The following UTP18 variants were observed in gnomAD, a reference collection of about 807,000 sequenced individuals.
The protein encoded by UTP18 is UTP18 small subunit processome component, also known as U3 small nucleolar RNA-associated protein 18 homolog.
A neutral mutation model predicts 61.1 loss-of-function variants in UTP18; 36 were observed. That is an observed-to-expected ratio of 0.59 (90% CI 0.45 to 0.78). The LOEUF is 0.78. Ranked by LOEUF, UTP18 falls within the 30% of genes least tolerant of loss-of-function variation. UTP18 has a pLI of 0.00. For synonymous variants in UTP18, 282 were observed against 251.1 expected, an observed-to-expected ratio of 1.12 and a Z score of -1.16; for missense variants, 753 against 693.9, an observed-to-expected ratio of 1.09 and a Z score of -0.96.
chr17:51,280,291 G>C, intron 8 of UTP18, 98 bp from the exon 9 acceptor site: 1 of 1,397,170 alleles, frequency 7.2e-7, no homozygotes, highest in South Asian at 1.3e-5. Flanking sequence ...AAGTTGAGTA[G>C]GTGCTAGAAA....
chr17:51,264,443 G>A (rs931097463), intron 2 of UTP18, among the ~76,000 whole-genome samples: 11 of 152,198 alleles, frequency 7.2e-5, no homozygotes, highest in African/African-American at 2.6e-4. Context: ...CCTTAAGAAA[G>A]ATTCTTTGAG....
intron 10 of UTP18, among the ~76,000 whole-genome samples, chr17:51,287,124 A>C (rs8078958): frequency 0.64 from 96,920 of 151,898 alleles, 31,603 homozygotes; most frequent in African/African-American, 0.78. Flanking sequence ...GCCAGTCTTC[A>C]TTGCCCTCTC....
chr17:51,293,763 G>A, intron 11 of UTP18, 140 bp from the exon 12 acceptor site: 1 of 587,330 alleles, frequency 1.7e-6, no homozygotes, highest in Non-Finnish European at 2.6e-6. Context: ...ACACTTTGCT[G>A]CACTAATAGA....
At chr17:51,271,725 T>A in intron 4 of UTP18, among the ~76,000 whole-genome samples, 1 of 152,148 alleles carries the variant, frequency 6.6e-6, no homozygotes, top group East Asian at 1.9e-4. Flanking sequence ...TGGAGTGCAG[T>A]GGCACTACCT....
intron 9 of UTP18, among the ~76,000 whole-genome samples, chr17:51,280,787 T>TG (rs1280129806): frequency 6.6e-6 from 1 of 151,804 alleles, no homozygotes; most frequent in Non-Finnish European, 1.5e-5. Flanking sequence ...CACTCTAGCC[T>TG]GGGGGACAGA....
intron 8 of UTP18, 95 bp downstream of exon 8, chr17:51,280,200 C>T: frequency 7.2e-7 from 1 of 1,383,598 alleles, no homozygotes; most frequent in Non-Finnish European, 1.0e-6. Flanking sequence ...AAATCTGCAT[C>T]TCCAAGTAGA....
At chr17:51,296,081 G>A (rs972555314) in intron 12 of UTP18, among the ~76,000 whole-genome samples, 2 of 152,144 alleles carry the variant, frequency 1.3e-5, no homozygotes, top group Non-Finnish European at 2.9e-5. Context: ...ACTTATATGC[G>A]CTGTCCAGGT....
At chr17:51,262,255 T>C (rs1237910390) in intron 1 of UTP18, among the ~76,000 whole-genome samples, 2 of 152,092 alleles carry the variant, frequency 1.3e-5, no homozygotes, top group Admixed American at 6.5e-5. Flanking sequence ...CTAATTTTTT[T>C]TTGTATCTTT....
chr17:51,296,739 C>G (rs992965823), intron 12 of UTP18: 25 of 473,814 alleles, frequency 5.3e-5, no homozygotes, highest in African/African-American at 4.7e-4. Context: ...TCATAGACCC[C>G]CCATGTGAAA....
Position 51,275,886 on chromosome 17 carries a change from G to A in UTP18, c.732G>A (p.Ala244=), listed in dbSNP as rs766628854. The A allele has an allele frequency of 4.7e-5, 75 of 1,604,470 alleles. No individual in the cohort carries two copies. In the African/African-American group the frequency reaches 7.3e-4, roughly 16 times the overall value. The change falls in exon 6 of 14, where the codon GCG becomes GCA. Residue 244 remains alanine, a synonymous_variant. Transcript: ENST00000225298. The part of the protein sequence containing the change: ...GILKMKNCQH[A]NAERPTVARI... ...TATAGATGAAGAACTGCCAGCATGC[G>A]AATGCTGAACGTCCTACTGTTGCTC...
chr17:51,270,448 C>G (rs1023826043), intron 4 of UTP18, among the ~76,000 whole-genome samples: 3 of 152,176 alleles, frequency 2.0e-5, no homozygotes, highest in South Asian at 4.1e-4. Flanking sequence ...TAGAACCCCA[C>G]AACATTTTAG....
intron 11 of UTP18, among the ~76,000 whole-genome samples, chr17:51,293,386 G>A (rs149741303): frequency 1.9e-3 from 288 of 152,270 alleles, no homozygotes; most frequent in African/African-American, 6.8e-3. Flanking sequence ...GAGGGGTAGG[G>A]GATGAGAAAT....
At chr17:51,280,551 C>T (rs1038975799) in intron 9 of UTP18, 72 bp downstream of exon 9, 15 of 1,431,774 alleles carry the variant, frequency 1.0e-5, no homozygotes, top group South Asian at 3.6e-5. Context: ...CGGTGGCTCA[C>T]GTGTGTAATC....
chr17:51,277,147 TC>T lies in UTP18; in HGVS notation c.857del (p.Pro286LeufsTer26). 1 of 1,613,952 alleles carries T rather than the reference TC, an allele frequency of 6.2e-7. No homozygotes were observed. The highest frequency in any genetic ancestry group is 1.1e-5 in the South Asian group (1 of 91,074). ...CTTTATAGGTTGATGGGAAAACAAA[TC>T]CTAAAATTCAGAGCATCTATTTGGA... ...SLFQVDGKTN[P>X]KIQSIYLERF... On this transcript the variant is annotated frameshift_variant, in exon 7 of 14. Transcript: ENST00000225298. LOFTEE classifies it high-confidence loss of function.
In UTP18 at chr17:51,263,327, T is replaced by G; in HGVS notation, c.396T>G (p.Gly132=). ...CAGAAGTGGAGAATGAAGCAAAAGG[T>G]AATTTTCCACCTCAAAAGAAGCCAG... The part of the protein sequence containing the change: ...GDSEVENEAK[G]NFPPQKKPVW... Residue 132 remains glycine, a synonymous_variant, in exon 2 of 14, where the codon GGT becomes GGG. Coordinates refer to ENST00000225298, the MANE Select transcript of UTP18 (RefSeq NM_016001.3). The G allele has an allele frequency of 6.2e-7, 1 of 1,614,164 alleles. No homozygotes were observed. The highest frequency in any genetic ancestry group is 1.3e-5 in the African/African-American group (1 of 75,048).
intron 7 of UTP18, among the ~76,000 whole-genome samples, chr17:51,278,254 C>T (rs1904796656): frequency 6.6e-6 from 1 of 152,120 alleles, no homozygotes; most frequent in Admixed American, 6.5e-5. Flanking sequence ...GATTCTGATT[C>T]TGTAGGTCTT....
At chr17:51,276,078 G>A (rs1598478999) in intron 6 of UTP18, 87 bp downstream of exon 6, 3 of 1,320,106 alleles carry the variant, frequency 2.3e-6, no homozygotes, top group East Asian at 2.8e-5. Flanking sequence ...CAAAAATACT[G>A]AAAAAGATAT....
At chr17:51,266,567 A>G (rs910772537) in intron 3 of UTP18, among the ~76,000 whole-genome samples, 7 of 152,222 alleles carry the variant, frequency 4.6e-5, no homozygotes, top group Admixed American at 2.6e-4. Flanking sequence ...AACATTTTCA[A>G]AAATTTAAAT....
At chr17:51,279,885 G>T in intron 7 of UTP18, 120 bp from the exon 8 acceptor site, 1 of 811,882 alleles carries the variant, frequency 1.2e-6, no homozygotes, top group East Asian at 2.7e-5. Flanking sequence ...CTGAGCCAGG[G>T]TTTTGTTTAA....
Sources: gnomAD v4.1 joint callset for allele counts (sites outside exome capture counted in the v4.1 genomes callset) on GRCh38, gnomAD v4.1.1 for gene constraint, MANE v1.5 for transcripts, NCBI Gene and HGNC (gene_info 2026-07-23, HGNC 2026-07-21) for gene names.